The following VPS8 variants were observed in gnomAD, a reference collection of about 807,000 sequenced individuals.
The protein encoded by VPS8 is VPS8 subunit of CORVET complex, also known as vacuolar protein sorting-associated protein 8 homolog.
In VPS8, 129 loss-of-function variants were observed where a neutral mutation model predicts 216.4. The ratio of observed to expected loss-of-function variants is 0.60; its 90% CI spans 0.52 to 0.69. The LOEUF (loss-of-function observed/expected upper bound fraction) is 0.69, where lower values mean the gene tolerates loss of function less well. Ranked by LOEUF, VPS8 falls within the 30% of genes least tolerant of loss-of-function variation. The pLI, the probability that VPS8 is intolerant of heterozygous loss-of-function variation, is 0.00. For synonymous variants in VPS8, 571 were observed against 565.4 expected (o/e 1.01, Z -0.14); for missense variants, 1,531 against 1,683.5 (o/e 0.91, Z 1.59).
intron 37 of VPS8, among the ~76,000 whole-genome samples, chr3:184,959,238 G>A (rs1746101229): frequency 1.3e-5 from 2 of 152,078 alleles, no homozygotes; most frequent in African/African-American, 4.8e-5. Context: ...TTTTTCCAAG[G>A]CCTTTATTGC....
intron 34 of VPS8, among the ~76,000 whole-genome samples, chr3:184,935,802 C>T (rs572832381): frequency 2.0e-5 from 3 of 152,286 alleles, no homozygotes; most frequent in East Asian, 3.9e-4. Context: ...AAAATGCTTG[C>T]AGTTTCTAAA....
chr3:184,836,469 G>C (rs557586653), intron 5 of VPS8: 1 of 350,808 alleles, frequency 2.9e-6, no homozygotes, highest in Non-Finnish European at 5.6e-6. Context: ...AGATAAATCT[G>C]TTATTTAAAA....
intron 45 of VPS8, among the ~76,000 whole-genome samples, chr3:185,006,669 G>A (rs959608989): frequency 6.6e-5 from 10 of 151,982 alleles, no homozygotes; most frequent in East Asian, 1.9e-4. Context: ...TTAAAAATCC[G>A]TCATCCCTGG....
At chr3:184,873,082 A>T (rs1211309164) in intron 21 of VPS8, among the ~76,000 whole-genome samples, 1 of 152,174 alleles carries the variant, frequency 6.6e-6, no homozygotes. Context: ...TACTGAGCAC[A>T]TACGATGTGC....
At chr3:184,913,588 C>T (rs747713610) in intron 26 of VPS8, 27 bp downstream of exon 26, 2 of 1,512,796 alleles carry the variant, frequency 1.3e-6, no homozygotes, top group East Asian at 2.3e-5. Context: ...TATTCATCTG[C>T]ATGTATGTTC....
chr3:184,993,734 G>A (rs1297433402), intron 42 of VPS8, among the ~76,000 whole-genome samples: 4 of 152,134 alleles, frequency 2.6e-5, no homozygotes, highest in African/African-American at 7.2e-5. Context: ...CAAAATAAAA[G>A]TAAAGTTTAA....
intron 36 of VPS8, among the ~76,000 whole-genome samples, chr3:184,950,852 A>G (rs1744580046): frequency 6.6e-6 from 1 of 152,190 alleles, no homozygotes; most frequent in African/African-American, 2.4e-5. Flanking sequence ...TTTGTTAAGC[A>G]TGATGGCTTC....
rs763896555 is a variant in VPS8 at position 184,839,739 on chromosome 3, G to A, written c.522G>A (p.Leu174=). Residue 174 remains leucine (L), a synonymous_variant, in exon 7 of 48, where the codon TTG becomes TTA. Coordinates refer to ENST00000625842, the MANE Select transcript of VPS8 (RefSeq NM_001009921.3). ...TAGCAGTGGGTACATCTCATGGATT[G>A]GCTTTAATATTTGGTAAATTTTTAA... ...SLIAVGTSHG[L]ALIFGKDQNQ... is the part of the protein sequence containing the mutation. 2.5e-6 allele frequency: 4 copies of A among 1,603,390 alleles called. No individual in the cohort carries two copies. In the South Asian group the frequency reaches 4.5e-5, roughly 18 times the overall value.
At chr3:184,884,318 C>T (rs372312389) in intron 21 of VPS8, among the ~76,000 whole-genome samples, 79 of 152,012 alleles carry the variant, frequency 5.2e-4, no homozygotes, top group African/African-American at 1.9e-3. Flanking sequence ...TGAGAACATG[C>T]GGTGTTTGGT....
At chr3:184,826,959 C>G (rs1425130095) in intron 3 of VPS8, among the ~76,000 whole-genome samples, 1 of 152,098 alleles carries the variant, frequency 6.6e-6, no homozygotes, top group Non-Finnish European at 1.5e-5. Flanking sequence ...TTTTATATAC[C>G]CTGCATCTGC....
chr3:184,911,489 T>G lies in VPS8; in HGVS notation c.2147-2030T>G, dbSNP rs541919534. On this transcript the variant is annotated intron_variant, in intron 25 of 47. Coordinates refer to ENST00000625842, the MANE Select transcript of VPS8 (RefSeq NM_001009921.3). ...AACATACACAAGCTACAGTAGGATC[T>G]TCGGCCTGTGCTTTTTCCACAGAGG... Among the ~76,000 whole-genome samples the G allele has an allele frequency of 3.9e-5, 6 of 152,360 alleles. No homozygotes were observed. The South Asian group carries it at 1.2e-3, about 32-fold the overall frequency.
At chr3:184,935,002 T>TA (rs1298672101) in intron 34 of VPS8, among the ~76,000 whole-genome samples, 7 of 152,132 alleles carry the variant, frequency 4.6e-5, no homozygotes, top group African/African-American at 1.7e-4. Context: ...GGAAAGTTTT[T>TA]AAACTACTCA....
At chr3:184,842,927 C>CT (rs59087346) in intron 7 of VPS8, among the ~76,000 whole-genome samples, 3,802 of 144,178 alleles carry the variant, frequency 0.026, 125 homozygotes, top group African/African-American at 0.085. Flanking sequence ...TAGTTTTCCT[C>CT]TTTTTTTTTT....
chr3:184,871,621 G>T (rs1253415766), intron 21 of VPS8, among the ~76,000 whole-genome samples: 3 of 152,096 alleles, frequency 2.0e-5, no homozygotes, highest in Admixed American at 6.6e-5. Flanking sequence ...CAGGCTATGG[G>T]CAGGATTTGG....
At chr3:184,893,490 A>G (rs886686997) in intron 22 of VPS8, 24 of 492,348 alleles carry the variant, frequency 4.9e-5, no homozygotes, top group Non-Finnish European at 6.0e-5. Context: ...AGGCAATACA[A>G]TTTATAAATG....
At chr3:184,896,306 T>C (rs1053002349) in intron 23 of VPS8, among the ~76,000 whole-genome samples, 1 of 152,160 alleles carries the variant, frequency 6.6e-6, no homozygotes, top group African/African-American at 2.4e-5. Context: ...TTCTTCTATT[T>C]ATAATACTTT....
chr3:185,032,163 T>TA (rs112652782), intron 46 of VPS8, among the ~76,000 whole-genome samples: 2,356 of 148,154 alleles, frequency 0.016, 53 homozygotes, highest in African/African-American at 0.051. Context: ...GATTTTGTCT[T>TA]AAAAAAAAAA....
chr3:184,926,676 C>T, intron 31 of VPS8, 26 bp downstream of exon 31: 1 of 1,577,548 alleles, frequency 6.3e-7, no homozygotes, highest in Non-Finnish European at 8.6e-7. Flanking sequence ...ACTCTTTTTG[C>T]TAAAAAATAG....
intron 45 of VPS8, among the ~76,000 whole-genome samples, chr3:185,009,191 C>G (rs1754655303): frequency 6.6e-6 from 1 of 152,022 alleles, no homozygotes; most frequent in Non-Finnish European, 1.5e-5. Context: ...GAAAGTAATA[C>G]CAAGACATTG....
Sources: allele counts gnomAD v4.1 joint callset (sites outside exome capture counted in the v4.1 genomes callset), GRCh38; gene constraint gnomAD v4.1.1; transcripts MANE v1.5; gene names NCBI Gene and HGNC (gene_info 2026-07-23, HGNC 2026-07-21).